SLC75A1: variants seen among roughly 807,000 people sequenced by gnomAD.
SLC75A1 encodes major facilitator superfamily domain containing 10.
the SLC75A1 span, chr4:2,933,092 G>A: frequency 5.0e-6 from 8 of 1,612,362 alleles, no homozygotes; most frequent in East Asian, 1.8e-4. Flanking sequence ...GGGCACCCAG[G>A]CCCAGGAACA....
the SLC75A1 span, chr4:2,932,018 C>T: frequency 1.2e-6 from 2 of 1,608,474 alleles, no homozygotes; most frequent in Non-Finnish European, 1.7e-6. Flanking sequence ...AGAGCAGGCT[C>T]CACGCTTGGG....
chr4:2,932,255 C>T, the SLC75A1 span: 30 of 1,551,214 alleles, frequency 1.9e-5, no homozygotes, highest in Admixed American at 5.9e-4. Context: ...GGCCCAGCCT[C>T]CCTGGCATCT....
chr4:2,932,312 C>T, the SLC75A1 span: 39 of 1,593,820 alleles, frequency 2.4e-5, no homozygotes, highest in South Asian at 2.4e-4. Flanking sequence ...AATCAAGCCT[C>T]CAGCCCCTAG....
the SLC75A1 span, chr4:2,932,503 C>T: frequency 6.2e-7 from 1 of 1,613,634 alleles, no homozygotes; most frequent in Non-Finnish European, 8.5e-7. Context: ...AAGGCCACCC[C>T]AATGACCGCC....
chr4:2,932,823 G>A, the SLC75A1 span: 5 of 1,512,408 alleles, frequency 3.3e-6, no homozygotes, highest in South Asian at 2.7e-5. Flanking sequence ...CTCAGAGTAG[G>A]GCTTGGCAAC....
At chr4:2,932,508 A>G in the SLC75A1 span, 1 of 1,613,452 alleles carries the variant, frequency 6.2e-7, no homozygotes, top group East Asian at 2.2e-5. Context: ...CACCCCAATG[A>G]CCGCCTAGGG....
At chr4:2,932,044 C>T in the SLC75A1 span, 5 of 1,610,846 alleles carry the variant, frequency 3.1e-6, no homozygotes, top group Non-Finnish European at 4.2e-6. Context: ...CGAGTCCTTA[C>T]TGTCTCCAGA....
chr4:2,931,294 A>G, the SLC75A1 span: 2 of 1,550,552 alleles, frequency 1.3e-6, no homozygotes, highest in Non-Finnish European at 1.7e-6. Flanking sequence ...GACATCGAGG[A>G]GGTGCCCGTC....
At chr4:2,931,559 T>C in the SLC75A1 span, 1 of 1,611,944 alleles carries the variant, frequency 6.2e-7, no homozygotes, top group African/African-American at 1.3e-5. Flanking sequence ...CCCTACCCGC[T>C]TCACGGCAGC....
the SLC75A1 span, chr4:2,931,206 G>A: frequency 8.3e-6 from 13 of 1,560,562 alleles, no homozygotes; most frequent in African/African-American, 4.1e-5. Context: ...AGGTGGCTTC[G>A]GCCGAGGGAA....
At chr4:2,934,261 CTT>C in the SLC75A1 span, 6 of 312,410 alleles carry the variant, frequency 1.9e-5, no homozygotes, top group Non-Finnish European at 3.6e-5. Context: ...CGAGAGAAAA[CTT>C]GAAGCCGCGG....
chr4:2,933,025 C>T, the SLC75A1 span: 1 of 1,398,254 alleles, frequency 7.2e-7, no homozygotes, highest in Non-Finnish European at 1.0e-6. Flanking sequence ...ACAGCCACCT[C>T]CCTCTCCCCA....
the SLC75A1 span, chr4:2,934,747 C>A: frequency 3.7e-5 from 5 of 135,780 alleles, no homozygotes; most frequent in East Asian, 2.3e-4. Context: ...CCACCCCGGG[C>A]GCCCCCGGTC....
the SLC75A1 span, chr4:2,932,681 C>G: frequency 6.2e-7 from 1 of 1,610,186 alleles, no homozygotes; most frequent in Non-Finnish European, 8.5e-7. Flanking sequence ...TGCTGATGCC[C>G]CCAATCAGCC....
chr4:2,933,123 C>A, the SLC75A1 span: 23 of 1,613,574 alleles, frequency 1.4e-5, no homozygotes, highest in Non-Finnish European at 1.9e-5. Context: ...AGCAGCATCA[C>A]CGGGCGCCTC....
the SLC75A1 span, chr4:2,931,135 T>A: frequency 6.4e-7 from 1 of 1,571,228 alleles, no homozygotes; most frequent in African/African-American, 1.4e-5. Flanking sequence ...GACCGTGCCC[T>A]TCTGCCCTGG....
chr4:2,931,108 C>A, the SLC75A1 span: 3 of 1,589,606 alleles, frequency 1.9e-6, no homozygotes, highest in Non-Finnish European at 1.7e-6. Flanking sequence ...AGCACCTAGG[C>A]TGCGCAGTGT....
chr4:2,934,141 T>C, the SLC75A1 span: 2 of 604,678 alleles, frequency 3.3e-6, no homozygotes, highest in Non-Finnish European at 5.8e-6. Flanking sequence ...GCTTCGGGGA[T>C]TGCACAAAAA....
chr4:2,932,571 G>A, the SLC75A1 span: 1 of 1,612,428 alleles, frequency 6.2e-7, no homozygotes, highest in Non-Finnish European at 8.5e-7. Context: ...TCACCACCAG[G>A]ACCCCAAAGG....
Sources: gnomAD v4.1 joint callset for allele counts on GRCh38, gnomAD v4.1.1 for gene constraint, MANE v1.5 for transcripts, NCBI Gene and HGNC (gene_info 2026-07-23, HGNC 2026-07-21) for gene names.